Variants in PCDH9 observed in about 807,000 individuals in gnomAD.
PCDH9 encodes the protein protocadherin-9.
A neutral mutation model predicts 70.6 loss-of-function variants in PCDH9; 24 were observed. The ratio of observed to expected loss-of-function variants is 0.34; its 90% CI spans 0.25 to 0.48. PCDH9 has a LOEUF of 0.48. Ranked by LOEUF, PCDH9 falls within the 20% of genes least tolerant of loss-of-function variation. The pLI is 0.99. For synonymous variants in PCDH9, 562 were observed against 558.5 expected, an observed-to-expected ratio of 1.01 and a Z score of -0.09; for missense variants, 1,281 against 1,503.6, an observed-to-expected ratio of 0.85 and a Z score of 2.45.
At chr13:66,722,011 C>T (rs1413683062) in intron 3 of PCDH9, among the ~76,000 whole-genome samples, 2 of 152,128 alleles carry the variant, frequency 1.3e-5, no homozygotes, top group Non-Finnish European at 2.9e-5. Context: ...CTGTTTCATC[C>T]TCTTGGGTAT....
rs1593837930 is a variant in PCDH9 at position 66,650,210 on chromosome 13, A to G, written c.3139-18799T>C. 5.9e-5 allele frequency among the ~76,000 whole-genome samples: 9 copies of G among 152,100 alleles called. 1 individual carries two copies. The highest frequency in any genetic ancestry group is 5.9e-4 in the Admixed American group (9 of 15,284). On this transcript the variant is annotated intron_variant, in intron 3 of 4. Transcript: ENST00000377865. ...TAGAGTAGCTGAATGAAAAAATAAG[A>G]ACCAATGATCTGTTGCCTGCAATAA...
At chr13:66,990,296 T>C (rs1210703711) in intron 2 of PCDH9, among the ~76,000 whole-genome samples, 2 of 151,776 alleles carry the variant, frequency 1.3e-5, no homozygotes, top group African/African-American at 4.8e-5. Flanking sequence ...GCATTAGCTA[T>C]GCCTGGATTG....
chr13:66,348,118 A>G (rs901657334), intron 4 of PCDH9, among the ~76,000 whole-genome samples: 2 of 152,082 alleles, frequency 1.3e-5, no homozygotes, highest in African/African-American at 2.4e-5. Flanking sequence ...CTCAGAAATG[A>G]TCTTTTTCCT....
intron 3 of PCDH9, among the ~76,000 whole-genome samples, chr13:66,683,545 C>T (rs2078358161): frequency 6.6e-6 from 1 of 152,150 alleles, no homozygotes; most frequent in South Asian, 2.1e-4. Flanking sequence ...CTAGCACTCA[C>T]TATGTTGGTG....
chr13:67,193,332 A>AACACACACACAC (rs71110637), intron 2 of PCDH9, among the ~76,000 whole-genome samples: 1 of 141,954 alleles, frequency 7.0e-6, no homozygotes, highest in African/African-American at 2.6e-5. Context: ...TGGAGATTAA[A>AACACACACACAC]ACACACACAC....
At chr13:66,561,641 A>G (rs1207254128) in intron 4 of PCDH9, among the ~76,000 whole-genome samples, 1 of 152,302 alleles carries the variant, frequency 6.6e-6, no homozygotes, top group East Asian at 1.9e-4. Context: ...CACACTCTGT[A>G]TCTAGCTACT....
chr13:66,359,523 C>T (rs1438222443), intron 4 of PCDH9, among the ~76,000 whole-genome samples: 2 of 151,906 alleles, frequency 1.3e-5, no homozygotes, highest in Non-Finnish European at 2.9e-5. Context: ...AGAAAGCCCT[C>T]AGGAGCCCTT....
chr13:66,403,681 T>A (rs1308805303), intron 4 of PCDH9, among the ~76,000 whole-genome samples: 1 of 152,136 alleles, frequency 6.6e-6, no homozygotes, highest in Non-Finnish European at 1.5e-5. Context: ...ATACAAAGAA[T>A]AATAGGATCA....
chr13:66,486,174 G>A (rs1431638903), intron 4 of PCDH9, among the ~76,000 whole-genome samples: 1 of 152,124 alleles, frequency 6.6e-6, no homozygotes, highest in African/African-American at 2.4e-5. Context: ...AGATGCGATG[G>A]CTCATGCCTG....
intron 4 of PCDH9, among the ~76,000 whole-genome samples, chr13:66,370,813 C>G (rs776452011): frequency 1.3e-5 from 2 of 152,012 alleles, no homozygotes; most frequent in Non-Finnish European, 2.9e-5. Flanking sequence ...TGCTTTTGGC[C>G]TCCTATTGCC....
intron 4 of PCDH9, among the ~76,000 whole-genome samples, chr13:66,526,640 C>T (rs923396306): frequency 2.0e-5 from 3 of 151,994 alleles, no homozygotes; most frequent in Admixed American, 6.6e-5. Context: ...GATTAATTCT[C>T]ACTGCATTGG....
intron 2 of PCDH9, among the ~76,000 whole-genome samples, chr13:67,191,043 G>GT (rs1156625773): frequency 6.6e-6 from 1 of 152,002 alleles, no homozygotes; most frequent in Non-Finnish European, 1.5e-5. Flanking sequence ...TACTAAGACT[G>GT]TAATTCTCAA....
intron 4 of PCDH9, among the ~76,000 whole-genome samples, chr13:66,348,409 T>G (rs116802299): frequency 0.44 from 67,377 of 151,744 alleles, 15,286 homozygotes; most frequent in Non-Finnish European, 0.51. Flanking sequence ...TTCTTTTTTT[T>G]TTTTTTGAGA....
intron 3 of PCDH9, among the ~76,000 whole-genome samples, chr13:66,889,582 C>G (rs79467945): frequency 0.035 from 5,365 of 152,176 alleles, 309 homozygotes; most frequent in African/African-American, 0.12. Flanking sequence ...AGCATACTGT[C>G]CCCTGGAGAT....
intron 3 of PCDH9, among the ~76,000 whole-genome samples, chr13:66,802,254 A>T (rs1246038172): frequency 6.6e-6 from 1 of 152,072 alleles, no homozygotes; most frequent in East Asian, 1.9e-4. Context: ...TCACAGAGAC[A>T]AAACTTCTCA....
At chr13:66,514,559 AT>A (rs1413394164) in intron 4 of PCDH9, among the ~76,000 whole-genome samples, 3 of 152,094 alleles carry the variant, frequency 2.0e-5, no homozygotes, top group Non-Finnish European at 4.4e-5. Flanking sequence ...TTAGGCAACA[AT>A]TTATGTTAAA....
intron 4 of PCDH9, among the ~76,000 whole-genome samples, chr13:66,347,321 G>GA (rs1391299080): frequency 1.3e-5 from 2 of 151,840 alleles, no homozygotes. Flanking sequence ...TGTTTAGATG[G>GA]AAAAAAATGT....
intron 2 of PCDH9, among the ~76,000 whole-genome samples, chr13:66,967,862 A>C (rs1360641372): frequency 6.6e-6 from 1 of 152,022 alleles, no homozygotes; most frequent in Non-Finnish European, 1.5e-5. Flanking sequence ...GTTATGTCAT[A>C]TACTTGTCTC....
intron 4 of PCDH9, among the ~76,000 whole-genome samples, chr13:66,503,851 C>T (rs1372405164): frequency 1.3e-5 from 2 of 152,020 alleles, no homozygotes; most frequent in African/African-American, 4.8e-5. Flanking sequence ...TTATTTGGGC[C>T]CCTGTTTCAT....
Sources: allele counts gnomAD v4.1 joint callset (sites outside exome capture counted in the v4.1 genomes callset), GRCh38; gene constraint gnomAD v4.1.1; transcripts MANE v1.5; gene names NCBI Gene and HGNC (gene_info 2026-07-23, HGNC 2026-07-21).